EPHA5: variants seen among roughly 807,000 people sequenced by gnomAD.
EPHA5 encodes EPH receptor A5, also known as ephrin type-A receptor 5.
In EPHA5, 60 loss-of-function variants were observed where a neutral mutation model predicts 105.0. The observed-to-expected ratio is 0.57, with a 90% CI of 0.46 to 0.71. The LOEUF (loss-of-function observed/expected upper bound fraction) is 0.71, where lower values mean the gene tolerates loss of function less well. Ranked by LOEUF, EPHA5 falls within the 30% of genes least tolerant of loss-of-function variation. EPHA5 has a pLI of 0.00. For missense variants in EPHA5, 1,218 were observed against 1,274.7 expected, an observed-to-expected ratio of 0.96 and a Z score of 0.68; for synonymous variants, 513 against 449.1, an observed-to-expected ratio of 1.14 and a Z score of -1.80.
intron 5 of EPHA5, among the ~76,000 whole-genome samples, chr4:65,435,580 A>G (rs529593000): frequency 6.6e-6 from 1 of 152,042 alleles, no homozygotes; most frequent in Non-Finnish European, 1.5e-5. Flanking sequence ...TAAACAAAGC[A>G]CTTGTCTAGA....
rs182044605 is a variant in EPHA5, at chr4:65,653,810, G to A, written c.182-10383C>T. Among the ~76,000 whole-genome samples the A allele has an allele frequency of 3.0e-3, 458 of 152,112 alleles. 3 individuals are homozygous for A. The highest frequency in any genetic ancestry group is 7.8e-3 in the Admixed American group (119 of 15,256). On this transcript the variant is annotated intron_variant, in intron 1 of 16. Coordinates refer to ENST00000613740, the MANE Select transcript of EPHA5 (RefSeq NM_001281766.3). Reference sequence around the variant, plus strand: ...ATTTTTCTGTGATATTGTGGCAGACGTTGTTTTATGCTTATTAATTACTCA... The same window carrying A: ...ATTTTTCTGTGATATTGTGGCAGACATTGTTTTATGCTTATTAATTACTCA...
intron 5 of EPHA5, among the ~76,000 whole-genome samples, chr4:65,479,983 G>C (rs1199396348): frequency 6.6e-6 from 1 of 152,100 alleles, no homozygotes. Flanking sequence ...TAACCCAAGA[G>C]AGGGTCCTGT....
chr4:65,572,868 T>C (rs950280738), intron 3 of EPHA5, among the ~76,000 whole-genome samples: 1 of 151,108 alleles, frequency 6.6e-6, no homozygotes, highest in Non-Finnish European at 1.5e-5. Context: ...CCGTCTCTAC[T>C]AAAAATACAA....
intron 3 of EPHA5, among the ~76,000 whole-genome samples, chr4:65,518,198 A>G (rs1734291597): frequency 6.6e-6 from 1 of 151,940 alleles, no homozygotes; most frequent in African/African-American, 2.4e-5. Flanking sequence ...GCCATTTATT[A>G]TTTAAGGAGA....
In EPHA5 at chr4:65,420,678, C is replaced by A. The variant is rs2149038093; in HGVS notation, c.1403-113G>T. On this transcript the variant is annotated intron_variant, in intron 5 of 16. Coordinates refer to ENST00000613740, the MANE Select transcript of EPHA5 (RefSeq NM_001281766.3). ...AGAACGTAGCAATATAAAAAAAATCCCAATTAAATTTTAGTTTTTCTATAT... is the reference window on the plus strand; with the variant it reads ...AGAACGTAGCAATATAAAAAAAATCACAATTAAATTTTAGTTTTTCTATAT... The A allele has an allele frequency of 8.8e-6, 9 of 1,025,972 alleles. No homozygotes were observed. The South Asian group carries it at 8.8e-5, about 10-fold the overall frequency. The allele number at this position is 1,025,972 out of a possible 1,614,324, so 63.6% of individuals were successfully genotyped here. A position where few individuals can be genotyped will look rare whatever the true frequency, so the allele number is the denominator to read the frequency against.
intron 3 of EPHA5, among the ~76,000 whole-genome samples, chr4:65,579,944 T>C (rs1331299904): frequency 6.6e-6 from 1 of 151,978 alleles, no homozygotes; most frequent in Non-Finnish European, 1.5e-5. Context: ...TTAAGATTGC[T>C]TCTATCATGC....
At chr4:65,455,982 C>G (rs964326413) in intron 5 of EPHA5, among the ~76,000 whole-genome samples, 1 of 152,124 alleles carries the variant, frequency 6.6e-6, no homozygotes, top group Non-Finnish European at 1.5e-5. Context: ...AAATATTTTT[C>G]CCCTTCTGTT....
chr4:65,547,469 A>G (rs185363924), intron 3 of EPHA5, among the ~76,000 whole-genome samples: 7 of 152,158 alleles, frequency 4.6e-5, no homozygotes, highest in Non-Finnish European at 7.4e-5. Flanking sequence ...GGTCTAAAAT[A>G]GTTCATAATC....
rs571693502 is a variant in EPHA5 at position 65,608,981 on chromosome 4, T to C, written c.247-6677A>G. 5.9e-5 allele frequency among the ~76,000 whole-genome samples: 9 copies of C among 152,338 alleles called. No homozygotes were observed. The East Asian group carries it at 1.2e-3, about 20-fold the overall frequency. On this transcript the variant is annotated intron_variant, in intron 2 of 16. Coordinates refer to ENST00000613740, the MANE Select transcript of EPHA5 (RefSeq NM_001281766.3). ...CATTACCTAATGAACTAGGTATTTA[T>C]GTTTTCAAAAGACAAAATTATGTGC...
At chr4:65,419,180 G>A (rs1400663398) in intron 6 of EPHA5, among the ~76,000 whole-genome samples, 1 of 151,868 alleles carries the variant, frequency 6.6e-6, no homozygotes, top group African/African-American at 2.4e-5. Flanking sequence ...CACCGCACCC[G>A]GCCCTAAACT....
chr4:65,508,284 G>A (rs1578286104), intron 3 of EPHA5, among the ~76,000 whole-genome samples: 1 of 152,240 alleles, frequency 6.6e-6, no homozygotes, highest in East Asian at 1.9e-4. Flanking sequence ...ATTAATTCAT[G>A]TCTATACGGT....
At chr4:65,477,868 C>T (rs1433622682) in intron 5 of EPHA5, among the ~76,000 whole-genome samples, 2 of 152,110 alleles carry the variant, frequency 1.3e-5, no homozygotes, top group African/African-American at 4.8e-5. Flanking sequence ...TCTCTGACAT[C>T]ACTATAGATA....
intron 5 of EPHA5, among the ~76,000 whole-genome samples, chr4:65,431,156 C>A (rs536678404): frequency 6.6e-6 from 1 of 152,246 alleles, no homozygotes; most frequent in East Asian, 1.9e-4. Context: ...ACGGTACACA[C>A]AAAATGACTG....
At chr4:65,339,657 G>C (rs1226174288) in intron 14 of EPHA5, among the ~76,000 whole-genome samples, 3 of 152,042 alleles carry the variant, frequency 2.0e-5, no homozygotes. Flanking sequence ...GACAAAAACA[G>C]GTAAGATAAT....
At chr4:65,333,457 TC>T (rs1720843984) in intron 15 of EPHA5, among the ~76,000 whole-genome samples, 1 of 151,336 alleles carries the variant, frequency 6.6e-6, no homozygotes, top group African/African-American at 2.4e-5. Flanking sequence ...CACTACCACC[TC>T]CCACCTTACT....
intron 5 of EPHA5, among the ~76,000 whole-genome samples, chr4:65,486,259 A>G (rs1249963075): frequency 6.8e-6 from 1 of 146,868 alleles, no homozygotes; most frequent in East Asian, 2.1e-4. Context: ...TCATTTCCCC[A>G]TTTACACCCC....
intron 3 of EPHA5, among the ~76,000 whole-genome samples, chr4:65,579,797 A>G (rs1392073049): frequency 6.6e-6 from 1 of 151,980 alleles, no homozygotes; most frequent in Non-Finnish European, 1.5e-5. Flanking sequence ...ATTTCAAACC[A>G]GCAATAATAG....
At chr4:65,611,694 A>T (rs1219282319) in intron 2 of EPHA5, among the ~76,000 whole-genome samples, 1 of 152,120 alleles carries the variant, frequency 6.6e-6, no homozygotes, top group Non-Finnish European at 1.5e-5. Flanking sequence ...GCAAGATTTG[A>T]CAACAGCACC....
intron 7 of EPHA5, among the ~76,000 whole-genome samples, chr4:65,406,918 A>T (rs1578038738): frequency 6.6e-6 from 1 of 152,108 alleles, no homozygotes; most frequent in South Asian, 2.1e-4. Flanking sequence ...AACTGTTACT[A>T]AATCTTTCTT....
Sources: allele counts gnomAD v4.1 joint callset (sites outside exome capture counted in the v4.1 genomes callset), GRCh38; gene constraint gnomAD v4.1.1; transcripts MANE v1.5; gene names NCBI Gene and HGNC (gene_info 2026-07-23, HGNC 2026-07-21).